Variants in SND1 observed in about 807,000 individuals in gnomAD.
SND1 encodes the protein staphylococcal nuclease and tudor domain containing 1.
Under a neutral mutation model 121.7 loss-of-function variants are expected in SND1, and 38 were observed. That is an observed-to-expected ratio of 0.31 (90% CI 0.24 to 0.41). The LOEUF (loss-of-function observed/expected upper bound fraction) is 0.41. Ranked by LOEUF, SND1 falls within the 10% of genes least tolerant of loss-of-function variation. The pLI is 1.00. For missense variants in SND1, 868 were observed against 1,184.6 expected (o/e 0.73, Z 3.92); for synonymous variants, 401 against 447.4 (o/e 0.90, Z 1.31).
At chr7:127,735,959 C>G (rs1796769990) in intron 10 of SND1, among the ~76,000 whole-genome samples, 1 of 152,114 alleles carries the variant, frequency 6.6e-6, no homozygotes, top group Non-Finnish European at 1.5e-5. Context: ...TGTCTTGTCT[C>G]CTTTCTGAAG....
chr7:128,092,351 A>G lies in SND1; in HGVS notation c.*293A>G, dbSNP rs1358301159. Reference sequence around the variant, plus strand: ...TTTAAAAAAAAAAAGTCCTCAAATCAGGAAGAAACATCAAAGACTATGTCC... The same window carrying G: ...TTTAAAAAAAAAAAGTCCTCAAATCGGGAAGAAACATCAAAGACTATGTCC... On this transcript the variant is annotated 3_prime_UTR_variant, in exon 24 of 24. Transcript: ENST00000354725. The surrounding 1 kb of genome is among the most constrained non-coding windows in gnomAD (Gnocchi z 4.9). The G allele has an allele frequency of 4.6e-6, 2 of 433,670 alleles. No homozygotes were observed. Among genetic ancestry groups the G allele is most frequent in the Non-Finnish European group, 8.2e-6 (2 of 242,476 alleles). 26.9% of individuals were successfully genotyped at this position (433,670 alleles called of 1,614,324 possible). A position where few individuals can be genotyped will look rare whatever the true frequency, so the allele number is the denominator to read the frequency against.
At chr7:128,051,744 C>G (rs915125225) in intron 16 of SND1, among the ~76,000 whole-genome samples, 1 of 152,170 alleles carries the variant, frequency 6.6e-6, no homozygotes, top group Non-Finnish European at 1.5e-5. Flanking sequence ...ACTGATAATA[C>G]CAATGGTTGT....
intron 14 of SND1, among the ~76,000 whole-genome samples, chr7:127,920,952 G>T (rs537907162): frequency 5.9e-5 from 9 of 151,586 alleles, no homozygotes; most frequent in Non-Finnish European, 1.3e-4. Flanking sequence ...AAAAGGCAAT[G>T]ACTTCATTTC....
intron 1 of SND1, among the ~76,000 whole-genome samples, chr7:127,674,690 G>A (rs1223319745): frequency 2.0e-5 from 3 of 152,178 alleles, no homozygotes; most frequent in Non-Finnish European, 1.5e-5. Context: ...CAGAAAATTA[G>A]CATCTCTTTT....
In SND1 at chr7:127,897,554, T is replaced by G. The variant is rs561549487; in HGVS notation, c.1455-7193T>G. Among the ~76,000 whole-genome samples, 122 of 152,130 alleles carry G rather than the reference T, an allele frequency of 8.0e-4. 1 individual carries two copies. Among genetic ancestry groups the G allele is most frequent in the Non-Finnish European group, 1.5e-3 (99 of 68,018 alleles). On this transcript the variant is annotated intron_variant, in intron 13 of 23. Coordinates refer to ENST00000354725, the MANE Select transcript of SND1 (RefSeq NM_014390.4). Reference sequence around the variant, plus strand: ...GGAAAGGAGCACCCAGATTGATGGGTTATCCACCAATAGAGTCCACAAGAG... The same window carrying G: ...GGAAAGGAGCACCCAGATTGATGGGGTATCCACCAATAGAGTCCACAAGAG...
intron 16 of SND1, among the ~76,000 whole-genome samples, chr7:128,066,098 G>T (rs1316012945): frequency 6.6e-6 from 1 of 152,246 alleles, no homozygotes; most frequent in Non-Finnish European, 1.5e-5. Flanking sequence ...CAGCAGGTTT[G>T]CATTTCCCAG....
intron 15 of SND1, among the ~76,000 whole-genome samples, chr7:127,967,421 A>T (rs720300): frequency 6.6e-6 from 1 of 152,132 alleles, no homozygotes; most frequent in Non-Finnish European, 1.5e-5. Flanking sequence ...TTCTGCTTTC[A>T]TGTAACTATC....
At chr7:127,826,349 T>C (rs1584601380) in intron 11 of SND1, among the ~76,000 whole-genome samples, 1 of 152,154 alleles carries the variant, frequency 6.6e-6, no homozygotes, top group Non-Finnish European at 1.5e-5. Flanking sequence ...TGAACTATGG[T>C]GATGTGGTTT....
chr7:127,703,171 A>C lies in SND1; in HGVS notation c.688A>C (p.Thr230Pro), dbSNP rs1237832001. Residue 230 changes from threonine to proline, a missense_variant, in exon 7 of 24, where the codon ACT becomes CCT. This residue lies in a region of SND1 where 743 missense variants were observed against 1,071.3 expected (regional missense o/e 0.69). Transcript: ENST00000354725. The stretch of plus-strand genomic sequence containing the variant: ...TACCTTGCCTTTGCTTTAGTGCCCA[A>C]CTTTTCGACGGGAAGCAGATGGCAG... Reference protein sequence around the residue: ...TVMLSGIKCPTFRREADGSET... With the variant: ...TVMLSGIKCPPFRREADGSET... 6.2e-7 allele frequency: 1 copy of C among 1,614,082 alleles called. No individual in the cohort carries two copies. The highest frequency in any genetic ancestry group is 2.2e-5 in the East Asian group (1 of 44,878).
At chr7:127,749,960 C>T (rs747425408) in intron 10 of SND1, among the ~76,000 whole-genome samples, 1 of 152,130 alleles carries the variant, frequency 6.6e-6, no homozygotes, top group Non-Finnish European at 1.5e-5. Context: ...AGACGCCAGG[C>T]TTGGTAGCAT....
intron 11 of SND1, among the ~76,000 whole-genome samples, chr7:127,824,423 A>G (rs1052065304): frequency 6.6e-6 from 1 of 152,152 alleles, no homozygotes; most frequent in African/African-American, 2.4e-5. Context: ...TGTTCATTGG[A>G]GACATAACAA....
chr7:127,725,297 G>C (rs1796563096), intron 10 of SND1, among the ~76,000 whole-genome samples: 1 of 152,184 alleles, frequency 6.6e-6, no homozygotes, highest in Non-Finnish European at 1.5e-5. Context: ...CAGGACCTCT[G>C]TTAGCTCATA....
chr7:128,009,971 A>C (rs934026982), intron 16 of SND1, among the ~76,000 whole-genome samples: 5 of 152,170 alleles, frequency 3.3e-5, no homozygotes, highest in Non-Finnish European at 7.4e-5. Context: ...CCACTCCCAG[A>C]GAGAAAAGAA....
At chr7:127,724,193 T>C (rs1796544304) in intron 10 of SND1, among the ~76,000 whole-genome samples, 1 of 152,192 alleles carries the variant, frequency 6.6e-6, no homozygotes, top group African/African-American at 2.4e-5. Flanking sequence ...GTAGGGGAAA[T>C]ACACAAGTAA....
chr7:128,073,754 A>T (rs1323708252), intron 16 of SND1, among the ~76,000 whole-genome samples: 2 of 152,212 alleles, frequency 1.3e-5, no homozygotes, highest in Admixed American at 1.3e-4. Flanking sequence ...GTGGGAGCAG[A>T]TCAGCTACCA....
At chr7:128,030,072 C>T in intron 16 of SND1, 1 of 1,613,520 alleles carries the variant, frequency 6.2e-7, no homozygotes, top group South Asian at 1.1e-5. Flanking sequence ...CTCAAAAGCT[C>T]CCTCAGAGAT....
At chr7:127,741,717 A>C (rs558525380) in intron 10 of SND1, among the ~76,000 whole-genome samples, 1 of 152,278 alleles carries the variant, frequency 6.6e-6, no homozygotes, top group East Asian at 1.9e-4. Flanking sequence ...TAAAAGGCCC[A>C]CTTGTTAGAA....
intron 12 of SND1, among the ~76,000 whole-genome samples, chr7:127,883,037 G>T (rs1739151290): frequency 6.6e-6 from 1 of 152,082 alleles, no homozygotes; most frequent in Non-Finnish European, 1.5e-5. Flanking sequence ...AGATGTTTAG[G>T]GTTCTACTAA....
At chr7:127,990,001 AG>A (rs1246709032) in intron 15 of SND1, among the ~76,000 whole-genome samples, 1 of 152,208 alleles carries the variant, frequency 6.6e-6, no homozygotes, top group Non-Finnish European at 1.5e-5. Flanking sequence ...ATACAAAAAA[AG>A]AGTATGAAGG....
Sources: allele counts gnomAD v4.1 joint callset (sites outside exome capture counted in the v4.1 genomes callset), GRCh38; gene constraint gnomAD v4.1.1; regional missense constraint gnomAD v4.1.1; non-coding constraint Gnocchi (gnomAD v3.1); transcripts MANE v1.5; gene names NCBI Gene and HGNC (gene_info 2026-07-23, HGNC 2026-07-21).